Variants in ATP8A1 observed in about 807,000 individuals in gnomAD.
ATP8A1 encodes the protein ATPase phospholipid transporting 8A1, also known as phospholipid-transporting ATPase IA.
A neutral mutation model predicts 177.7 loss-of-function variants in ATP8A1; 90 were observed. The ratio of observed to expected loss-of-function variants is 0.51; its 90% CI spans 0.43 to 0.60. ATP8A1 has a LOEUF of 0.60. Among genes scored for constraint, ATP8A1 ranks in the 20% least tolerant of loss-of-function variants. The probability of loss-of-function intolerance (pLI) is 0.00; values close to 1 mark genes in which losing one functional copy is unlikely to be tolerated. For synonymous variants in ATP8A1, 493 were observed against 485.9 expected, an observed-to-expected ratio of 1.01 and a Z score of -0.19; for missense variants, 1,072 against 1,392.8, an observed-to-expected ratio of 0.77 and a Z score of 3.67.
intron 3 of ATP8A1, chr4:42,625,394 T>G: frequency 2.5e-6 from 1 of 397,870 alleles, no homozygotes; most frequent in Non-Finnish European, 4.6e-6. Flanking sequence ...TGAACAGTCC[T>G]TGCCACATCA....
intron 6 of ATP8A1, among the ~76,000 whole-genome samples, chr4:42,595,780 T>C (rs1577668849): frequency 6.6e-6 from 1 of 152,350 alleles, no homozygotes; most frequent in Non-Finnish European, 1.5e-5. Flanking sequence ...TCCTCTACAC[T>C]ATCGTGTTAG....
rs552139382 is a variant in ATP8A1, at chr4:42,530,026, G to A, written c.1723-5179C>T. On this transcript the variant is annotated intron_variant, in intron 20 of 36. Transcript: ENST00000381668. ...CCGTGAAGATATTTGTATCCCATGTGAGTGCTCACCAACGGGTAATCTCAG... is the reference window on the plus strand; with the variant it reads ...CCGTGAAGATATTTGTATCCCATGTAAGTGCTCACCAACGGGTAATCTCAG... Among the ~76,000 whole-genome samples the A allele has an allele frequency of 3.3e-5, 5 of 152,318 alleles. No individual in the cohort carries two copies. In the East Asian group the frequency reaches 7.7e-4, roughly 24 times the overall value.
At chr4:42,508,052 A>C (rs1487244510) in intron 22 of ATP8A1, among the ~76,000 whole-genome samples, 1 of 152,168 alleles carries the variant, frequency 6.6e-6, no homozygotes, top group Non-Finnish European at 1.5e-5. Context: ...TCAGACTCAA[A>C]GATCTCTTGC....
intron 24 of ATP8A1, among the ~76,000 whole-genome samples, chr4:42,501,216 A>G (rs758906092): frequency 6.6e-6 from 1 of 152,256 alleles, no homozygotes; most frequent in Non-Finnish European, 1.5e-5. Context: ...ATTTTCTTAT[A>G]ACAAAAATGA....
At chr4:42,609,184 G>A (rs1345039344) in intron 5 of ATP8A1, among the ~76,000 whole-genome samples, 3 of 151,896 alleles carry the variant, frequency 2.0e-5, no homozygotes, top group Non-Finnish European at 2.9e-5. Flanking sequence ...CTAAAAGCAC[G>A]ACCCCCTCAC....
chr4:42,569,622 T>C (rs1352540563), intron 14 of ATP8A1, among the ~76,000 whole-genome samples: 1 of 152,152 alleles, frequency 6.6e-6, no homozygotes, highest in East Asian at 1.9e-4. Flanking sequence ...ACTAATAAAA[T>C]TTGTCAAATA....
At chr4:42,523,692 A>G (rs755336620) in intron 21 of ATP8A1, among the ~76,000 whole-genome samples, 18 of 152,158 alleles carry the variant, frequency 1.2e-4, no homozygotes, top group South Asian at 4.1e-4. Context: ...ACATCTAGAG[A>G]GGAGAAAGAT....
At chr4:42,505,492 C>G (rs913739363) in intron 23 of ATP8A1, among the ~76,000 whole-genome samples, 1 of 152,096 alleles carries the variant, frequency 6.6e-6, no homozygotes, top group Non-Finnish European at 1.5e-5. Flanking sequence ...TCAATATGTT[C>G]TGCATTTCAC....
intron 22 of ATP8A1, among the ~76,000 whole-genome samples, chr4:42,507,502 C>T (rs531374363): frequency 1.4e-4 from 21 of 151,890 alleles, no homozygotes; most frequent in African/African-American, 3.9e-4. Context: ...CCAAGGCTGG[C>T]GGATCACTTA....
chr4:42,589,368 A>G (rs1733934031), intron 7 of ATP8A1, among the ~76,000 whole-genome samples: 1 of 152,254 alleles, frequency 6.6e-6, no homozygotes, highest in African/African-American at 2.4e-5. Context: ...TTTACAAATT[A>G]CAAACACCTG....
rs1719540481 is a variant in ATP8A1, at chr4:42,464,674, T to C, written c.2619+16A>G. 1 of 1,441,490 alleles carries C rather than the reference T, an allele frequency of 6.9e-7. No individual in the cohort carries two copies. The highest frequency in any genetic ancestry group is 9.5e-7 in the Non-Finnish European group (1 of 1,056,510). 89.3% of individuals were successfully genotyped at this position (1,441,490 alleles called of 1,614,324 possible). A position where few individuals can be genotyped will look rare whatever the true frequency, so the allele number is the denominator to read the frequency against. On this transcript the variant is annotated intron_variant, in intron 27 of 36. Coordinates refer to ENST00000381668, the MANE Select transcript of ATP8A1 (RefSeq NM_006095.2). ...GTATGCAAATGACAAGGATTTAAAATTTAACCTGCTATTACCTCGATAATA... is the reference window on the plus strand; with the variant it reads ...GTATGCAAATGACAAGGATTTAAAACTTAACCTGCTATTACCTCGATAATA...
chr4:42,600,353 T>C (rs368686734), intron 6 of ATP8A1, 125 bp downstream of exon 6: 51 of 605,186 alleles, frequency 8.4e-5, no homozygotes, highest in East Asian at 8.2e-4. Context: ...CATGTTTATA[T>C]TACTAAATAG....
chr4:42,615,559 C>T (rs1462434057), intron 5 of ATP8A1, among the ~76,000 whole-genome samples: 2 of 152,098 alleles, frequency 1.3e-5, no homozygotes, highest in Non-Finnish European at 2.9e-5. Flanking sequence ...TGCCAAAATG[C>T]CATGCACTGT....
chr4:42,484,684 T>C (rs1051207381), intron 25 of ATP8A1, among the ~76,000 whole-genome samples: 1 of 152,268 alleles, frequency 6.6e-6, no homozygotes, highest in Admixed American at 6.5e-5. Flanking sequence ...AAAGCACAGA[T>C]ACTGAGAAAT....
chr4:42,553,847 A>G (rs1729767155), intron 16 of ATP8A1, among the ~76,000 whole-genome samples: 1 of 152,186 alleles, frequency 6.6e-6, no homozygotes, highest in Admixed American at 6.5e-5. Context: ...ATGTGACTTG[A>G]GCGAGTCTGT....
chr4:42,592,316 A>G (rs566517052), intron 6 of ATP8A1, among the ~76,000 whole-genome samples: 4 of 152,326 alleles, frequency 2.6e-5, no homozygotes, highest in Non-Finnish European at 5.9e-5. Flanking sequence ...TGCTTATAAA[A>G]CAAATTCTGT....
chr4:42,580,929 AAGAT>A (rs1426387336), intron 10 of ATP8A1, among the ~76,000 whole-genome samples: 1 of 152,242 alleles, frequency 6.6e-6, no homozygotes, highest in Admixed American at 6.5e-5. Context: ...ATTTTATTAA[AAGAT>A]AGAAATTTAA....
At chr4:42,561,140 C>T (rs1246573810) in intron 15 of ATP8A1, among the ~76,000 whole-genome samples, 2 of 152,208 alleles carry the variant, frequency 1.3e-5, no homozygotes, top group Admixed American at 6.5e-5. Context: ...AGCTTGTTAG[C>T]ACCAAGCCAC....
intron 5 of ATP8A1, among the ~76,000 whole-genome samples, chr4:42,606,586 C>A (rs542225371): frequency 6.6e-6 from 1 of 152,292 alleles, no homozygotes; most frequent in Non-Finnish European, 1.5e-5. Context: ...TCCGTCTCAT[C>A]CTTGTCTTAG....
Sources: gnomAD v4.1 joint callset for allele counts (sites outside exome capture counted in the v4.1 genomes callset) on GRCh38, gnomAD v4.1.1 for gene constraint, MANE v1.5 for transcripts, NCBI Gene and HGNC (gene_info 2026-07-23, HGNC 2026-07-21) for gene names.